Variants in AUTS2 observed in about 807,000 individuals in gnomAD.
AUTS2 encodes the protein activator of transcription and developmental regulator AUTS2, also known as autism susceptibility gene 2 protein.
A neutral mutation model predicts 112.4 loss-of-function variants in AUTS2; 17 were observed. The observed-to-expected ratio is 0.15, with a 90% CI of 0.10 to 0.23. AUTS2 has a LOEUF of 0.23. Ranked by LOEUF, AUTS2 falls within the 10% of genes least tolerant of loss-of-function variation. The pLI, the probability that AUTS2 is intolerant of heterozygous loss-of-function variation, is 1.00. For missense variants in AUTS2, 1,510 were observed against 1,701.6 expected, an observed-to-expected ratio of 0.89 and a Z score of 1.98; for synonymous variants, 751 against 702.7, an observed-to-expected ratio of 1.07 and a Z score of -1.09.
intron 4 of AUTS2, among the ~76,000 whole-genome samples, chr7:70,388,729 T>C (rs966139953): frequency 6.6e-6 from 1 of 152,182 alleles, no homozygotes; most frequent in East Asian, 1.9e-4. Flanking sequence ...ATGAGGAAAG[T>C]GTATTCTGGG....
chr7:69,789,213 T>C (rs1361078239), intron 1 of AUTS2, among the ~76,000 whole-genome samples: 1 of 152,140 alleles, frequency 6.6e-6, no homozygotes. Flanking sequence ...ACAATTTCCA[T>C]TCAGCAATGG....
chr7:70,001,710 ATTTT>A (rs35638538), intron 2 of AUTS2, among the ~76,000 whole-genome samples: 1 of 132,818 alleles, frequency 7.5e-6, no homozygotes, highest in Admixed American at 7.7e-5. Flanking sequence ...TCATTGTCAT[ATTTT>A]TTTTTTTTTT....
At chr7:70,512,890 T>TG (rs968652445) in intron 5 of AUTS2, among the ~76,000 whole-genome samples, 34 of 149,430 alleles carry the variant, frequency 2.3e-4, no homozygotes, top group Admixed American at 8.7e-4. Context: ...GAGTGAAGTG[T>TG]GGGGGGGCAG....
At chr7:70,747,192 C>A (rs930039989) in intron 6 of AUTS2, among the ~76,000 whole-genome samples, 8 of 152,232 alleles carry the variant, frequency 5.3e-5, no homozygotes, top group Non-Finnish European at 1.0e-4. Flanking sequence ...TACCTTCTGC[C>A]TTCTTTTTTG....
chr7:69,726,664 C>A (rs1018385263), intron 1 of AUTS2, among the ~76,000 whole-genome samples: 1 of 152,106 alleles, frequency 6.6e-6, no homozygotes, highest in Non-Finnish European at 1.5e-5. Flanking sequence ...ACATTCCCTC[C>A]TGCATTGTAT....
chr7:70,523,861 G>T (rs1217186042), intron 5 of AUTS2, among the ~76,000 whole-genome samples: 2 of 152,194 alleles, frequency 1.3e-5, no homozygotes, highest in African/African-American at 4.8e-5. Context: ...ATCAGCTCTA[G>T]AGGGTGGCTT....
At chr7:70,097,509 A>G (rs573278150) in intron 2 of AUTS2, among the ~76,000 whole-genome samples, 2 of 152,190 alleles carry the variant, frequency 1.3e-5, no homozygotes, top group African/African-American at 2.4e-5. Flanking sequence ...CTAATTCCAC[A>G]TTATCAGAGA....
intron 5 of AUTS2, among the ~76,000 whole-genome samples, chr7:70,445,981 C>T (rs941132123): frequency 1.3e-5 from 2 of 152,188 alleles, no homozygotes; most frequent in Non-Finnish European, 2.9e-5. Flanking sequence ...TCCAGAGCCT[C>T]ATGAACCCCA....
chr7:70,609,857 CA>C (rs1803984829), intron 5 of AUTS2, among the ~76,000 whole-genome samples: 1 of 152,198 alleles, frequency 6.6e-6, no homozygotes, highest in African/African-American at 2.4e-5. Context: ...AATAATGCTA[CA>C]GTGAATATGA....
chr7:70,578,672 A>G (rs1367785335), intron 5 of AUTS2, among the ~76,000 whole-genome samples: 1 of 152,212 alleles, frequency 6.6e-6, no homozygotes, highest in Non-Finnish European at 1.5e-5. Flanking sequence ...AACTTCTGAT[A>G]TAGTTGAGGA....
intron 1 of AUTS2, among the ~76,000 whole-genome samples, chr7:69,783,207 A>G (rs1005450874): frequency 6.8e-6 from 1 of 147,122 alleles, no homozygotes; most frequent in Non-Finnish European, 1.5e-5. Context: ...TCTTCGGCTC[A>G]TTGAGAATCT....
rs2129525361 is a variant in AUTS2, at chr7:69,814,942, T to G, written c.310-84344T>G. Among the ~76,000 whole-genome samples the G allele has an allele frequency of 2.6e-5, 4 of 152,366 alleles. 1 individual carries two copies. The Middle Eastern group carries it at 0.01, about 389-fold the overall frequency. On this transcript the variant is annotated intron_variant, in intron 1 of 18. Transcript: ENST00000342771. ...TTCAAGAATGATAGGCATTCTTTTC[T>G]TGAGCGAGGTCCCCATTTAGGGATG...
At chr7:69,974,533 CG>C (rs778370958) in intron 2 of AUTS2, among the ~76,000 whole-genome samples, 11 of 151,746 alleles carry the variant, frequency 7.2e-5, no homozygotes, top group Non-Finnish European at 1.2e-4. Context: ...GGTCCAGTGG[CG>C]TAAATCTCTT....
chr7:69,712,298 C>T (rs1798363006), intron 1 of AUTS2, among the ~76,000 whole-genome samples: 1 of 152,176 alleles, frequency 6.6e-6, no homozygotes, highest in East Asian at 1.9e-4. Flanking sequence ...TTAGTGTTGT[C>T]CATGAAACCA....
chr7:69,952,311 T>G lies in AUTS2; in HGVS notation c.522+52813T>G, dbSNP rs576014649. On this transcript the variant is annotated intron_variant, in intron 2 of 18. Coordinates refer to ENST00000342771, the MANE Select transcript of AUTS2 (RefSeq NM_015570.4). Reference sequence around the variant, plus strand: ...TAATTAATGCTGAACATTCACTAAATTATTAAGATGTTAATGTGATTCCAA... The same window carrying G: ...TAATTAATGCTGAACATTCACTAAAGTATTAAGATGTTAATGTGATTCCAA... Among the ~76,000 whole-genome samples, 38 of 152,310 alleles carry G rather than the reference T, an allele frequency of 2.5e-4. 1 individual carries two copies. The highest frequency in any genetic ancestry group is 1.6e-3 in the Admixed American group (24 of 15,290).
intron 1 of AUTS2, among the ~76,000 whole-genome samples, chr7:69,630,390 CTT>C (rs1484324156): frequency 6.6e-6 from 1 of 152,170 alleles, no homozygotes; most frequent in Non-Finnish European, 1.5e-5. Flanking sequence ...GTCAGGAAGA[CTT>C]AGTGTAGCTG....
At chr7:69,968,225 T>C (rs1214561471) in intron 2 of AUTS2, among the ~76,000 whole-genome samples, 1 of 152,236 alleles carries the variant, frequency 6.6e-6, no homozygotes. Flanking sequence ...CTCTTTCAGT[T>C]AACTAACTGC....
chr7:70,739,258 G>A (rs576440211), intron 6 of AUTS2, among the ~76,000 whole-genome samples: 1 of 151,316 alleles, frequency 6.6e-6, no homozygotes, highest in Non-Finnish European at 1.5e-5. Context: ...GAACTCCTGG[G>A]CTCAAGCAAT....
intron 4 of AUTS2, among the ~76,000 whole-genome samples, chr7:70,422,858 G>A (rs765124148): frequency 2.0e-5 from 3 of 151,978 alleles, no homozygotes; most frequent in Non-Finnish European, 4.4e-5. Flanking sequence ...TGTTCATGCC[G>A]CCAACCACTG....
Sources: gnomAD v4.1 joint callset for allele counts (sites outside exome capture counted in the v4.1 genomes callset) on GRCh38, gnomAD v4.1.1 for gene constraint, MANE v1.5 for transcripts, NCBI Gene and HGNC (gene_info 2026-07-23, HGNC 2026-07-21) for gene names.